Variants in RFTN1 observed in about 807,000 individuals in gnomAD.
RFTN1 encodes raftlin.
A neutral mutation model predicts 46.5 loss-of-function variants in RFTN1; 26 were observed. That is an observed-to-expected ratio of 0.56 (90% CI 0.41 to 0.78). The LOEUF is 0.78. Ranked by LOEUF, RFTN1 falls within the 30% of genes least tolerant of loss-of-function variation. The probability of loss-of-function intolerance (pLI) is 0.00; values close to 1 mark genes in which losing one functional copy is unlikely to be tolerated. For missense variants in RFTN1, 693 were observed against 718.7 expected, an observed-to-expected ratio of 0.96 and a Z score of 0.41; for synonymous variants, 261 against 284.2, an observed-to-expected ratio of 0.92 and a Z score of 0.82.
Position 16,320,311 on chromosome 3 carries a change from C to T in RFTN1, c.1332+3065G>A, listed in dbSNP as rs2068898423. Among the ~76,000 whole-genome samples the T allele has an allele frequency of 6.6e-6, 1 of 152,224 alleles. No individual in the cohort carries two copies. On this transcript the variant is annotated intron_variant, in intron 9 of 9. Coordinates refer to ENST00000334133, the MANE Select transcript of RFTN1 (RefSeq NM_015150.2). The surrounding 1 kb of genome is among the most constrained non-coding windows in gnomAD (Gnocchi z 4.5). ...GCTGAAAAGTCCTGATTAGAAAAATCTATCCATGTTGCTGATTAAAAGAAG... is the reference window on the plus strand; with the variant it reads ...GCTGAAAAGTCCTGATTAGAAAAATTTATCCATGTTGCTGATTAAAAGAAG...
At chr3:16,366,222 C>A (rs564104037) in intron 6 of RFTN1, among the ~76,000 whole-genome samples, 1 of 146,150 alleles carries the variant, frequency 6.8e-6, no homozygotes, top group Non-Finnish European at 1.5e-5. Context: ...ATTCTGTAGG[C>A]CCAGAGGCCT....
chr3:16,512,075 G>A lies in RFTN1; in HGVS notation c.-9+1367C>T, dbSNP rs2076910464. 6.6e-6 allele frequency among the ~76,000 whole-genome samples: 1 copy of A among 152,116 alleles called. No individual in the cohort carries two copies. Among genetic ancestry groups the A allele is most frequent in the African/African-American group, 2.4e-5 (1 of 41,426 alleles). On this transcript the variant is annotated intron_variant, in intron 1 of 9. Coordinates refer to ENST00000334133, the MANE Select transcript of RFTN1 (RefSeq NM_015150.2). This position sits in a 1 kb window ranked among gnomAD's most constrained non-coding sequence, Gnocchi z 4.3. ...TGATTTCACTGAGGTTAGCACACAC[G>A]CACCAAAGAGTCCCAAACAGCTTGC...
intron 7 of RFTN1, among the ~76,000 whole-genome samples, chr3:16,340,118 A>G (rs574691): frequency 0.065 from 9,972 of 152,252 alleles, 479 homozygotes; most frequent in Non-Finnish European, 0.1. Flanking sequence ...GCCACACACA[A>G]ACTTGTTTCT....
rs544849861 is a variant in RFTN1, at chr3:16,493,038, C to T, written c.145+687G>A. On this transcript the variant is annotated intron_variant, in intron 2 of 9. Transcript: ENST00000334133. ...AAGCCCAGATGAATGAGCCCTCTTG[C>T]GAGATGGCAGACAACAGGCAGGTGA... Among the ~76,000 whole-genome samples, 262 of 152,304 alleles carry T rather than the reference C, an allele frequency of 1.7e-3. 2 individuals carry two copies. The highest frequency in any genetic ancestry group is 6.0e-3 in the African/African-American group (249 of 41,552).
In RFTN1 at chr3:16,425,829, T is replaced by C. The variant is rs2075279699; in HGVS notation, c.332+8022A>G. 6.6e-6 allele frequency among the ~76,000 whole-genome samples: 1 copy of C among 152,020 alleles called. No individual in the cohort carries two copies. Among genetic ancestry groups the C allele is most frequent in the Admixed American group, 6.6e-5 (1 of 15,244 alleles). On this transcript the variant is annotated intron_variant, in intron 3 of 9. Coordinates refer to ENST00000334133, the MANE Select transcript of RFTN1 (RefSeq NM_015150.2). The surrounding 1 kb of genome is among the most constrained non-coding windows in gnomAD (Gnocchi z 4.3). ...TAAGAGGAATAAATTAAGGTAGTCTTGGTGATGCTGGACAGCTCCTCAGGG... is the reference window on the plus strand; with the variant it reads ...TAAGAGGAATAAATTAAGGTAGTCTCGGTGATGCTGGACAGCTCCTCAGGG...
chr3:16,434,650 A>T (rs1429272254), intron 2 of RFTN1: 2 of 152,220 alleles, frequency 1.3e-5, no homozygotes, highest in African/African-American at 4.8e-5. Context: ...CCCTCTAAAA[A>T]AAAACACACA....
In RFTN1 at chr3:16,380,387, T is replaced by C. The variant is rs2073946024; in HGVS notation, c.442-2285A>G. Among the ~76,000 whole-genome samples, 1 of 152,182 alleles carries C rather than the reference T, an allele frequency of 6.6e-6. No homozygotes were observed. On this transcript the variant is annotated intron_variant, in intron 4 of 9. Coordinates refer to ENST00000334133, the MANE Select transcript of RFTN1 (RefSeq NM_015150.2). The surrounding 1 kb of genome is among the most constrained non-coding windows in gnomAD (Gnocchi z 4.8). ...GCTTCTGCGGCCCTGCAGAGACTGC[T>C]GTCATCTAGAGTGAAGAGGCGAGGA...
intron 1 of RFTN1, among the ~76,000 whole-genome samples, chr3:16,502,758 G>A (rs925556923): frequency 3.9e-5 from 6 of 152,186 alleles, no homozygotes; most frequent in South Asian, 2.1e-4. Context: ...CCTTCAGCCC[G>A]GCCAACATCC....
intron 4 of RFTN1, among the ~76,000 whole-genome samples, chr3:16,389,774 C>T (rs1346082098): frequency 6.6e-6 from 1 of 152,190 alleles, no homozygotes; most frequent in Non-Finnish European, 1.5e-5. Flanking sequence ...GGAACCTTGT[C>T]ACTCCTCCAT....
At chr3:16,419,723 TAGCAAATCTTTAAATAA>T in intron 3 of RFTN1, among the ~76,000 whole-genome samples, 1 of 152,158 alleles carries the variant, frequency 6.6e-6, no homozygotes, top group Non-Finnish European at 1.5e-5. Context: ...AAACAAATCC[TAGCAAATCTTTAAATAA>T]AGCACCTCAG....
chr3:16,417,332 C>G (rs138899514), intron 3 of RFTN1, among the ~76,000 whole-genome samples: 1 of 152,230 alleles, frequency 6.6e-6, no homozygotes, highest in Non-Finnish European at 1.5e-5. Context: ...AAACAGTCCT[C>G]ATTTCTTTAA....
chr3:16,488,875 G>T (rs2076495253), intron 2 of RFTN1, among the ~76,000 whole-genome samples: 1 of 152,210 alleles, frequency 6.6e-6, no homozygotes, highest in Non-Finnish European at 1.5e-5. Context: ...ACACAAAGAT[G>T]AATGTTCATA....
intron 7 of RFTN1, among the ~76,000 whole-genome samples, chr3:16,355,911 T>G (rs1262174722): frequency 6.6e-6 from 1 of 152,246 alleles, no homozygotes; most frequent in Non-Finnish European, 1.5e-5. Flanking sequence ...AACAGCCATT[T>G]TAATATACAG....
Position 16,365,933 on chromosome 3 carries a change from C to G in RFTN1, c.1030+4143G>C, listed in dbSNP as rs137878678. ...AGTGAGGATACAGTCACCGCAAACA[C>G]CGACTGTTACTGGAGTAGATTCTGG... On this transcript the variant is annotated intron_variant, in intron 6 of 9. Transcript: ENST00000334133. 2.4e-3 allele frequency among the ~76,000 whole-genome samples: 366 copies of G among 152,336 alleles called. 3 individuals are homozygous for G. The Middle Eastern group carries it at 0.041, about 17-fold the overall frequency.
chr3:16,467,927 C>T (rs1196286821), intron 2 of RFTN1, among the ~76,000 whole-genome samples: 3 of 152,216 alleles, frequency 2.0e-5, no homozygotes, highest in Non-Finnish European at 4.4e-5. Context: ...CCTAAGAGTA[C>T]ACTTTGGGGA....
intron 2 of RFTN1, among the ~76,000 whole-genome samples, chr3:16,492,079 A>AG (rs954074856): frequency 6.6e-6 from 1 of 152,174 alleles, no homozygotes; most frequent in Non-Finnish European, 1.5e-5. Context: ...AACTACACAC[A>AG]GGGGGAAGGC....
chr3:16,379,930 C>T (rs1256807788), intron 4 of RFTN1, among the ~76,000 whole-genome samples: 2 of 152,198 alleles, frequency 1.3e-5, no homozygotes, highest in Non-Finnish European at 2.9e-5. Flanking sequence ...AGCTTTCTGG[C>T]AACATATGCC....
rs192320260 is a variant in RFTN1, at chr3:16,451,611, C to A, written c.146-17574G>T. Among the ~76,000 whole-genome samples, 1 of 152,332 alleles carries A rather than the reference C, an allele frequency of 6.6e-6. No homozygotes were observed. The highest frequency in any genetic ancestry group is 1.9e-4 in the East Asian group (1 of 5,188). On this transcript the variant is annotated intron_variant, in intron 2 of 9. Transcript: ENST00000334133. The surrounding 1 kb of genome is among the most constrained non-coding windows in gnomAD (Gnocchi z 4.2). ...AACCCAATTGCTGCCAATCAGAGCA[C>A]ATTTCTCTTCGTGTCTTCCACCTAA... is the stretch of plus-strand genomic sequence containing the variant.
intron 1 of RFTN1, among the ~76,000 whole-genome samples, chr3:16,495,125 T>C (rs1156922951): frequency 6.6e-6 from 1 of 152,220 alleles, no homozygotes; most frequent in African/African-American, 2.4e-5. Context: ...GGCTTACTTA[T>C]GCCTTAATAA....
Sources: allele counts gnomAD v4.1 joint callset (sites outside exome capture counted in the v4.1 genomes callset), GRCh38; gene constraint gnomAD v4.1.1; non-coding constraint Gnocchi (gnomAD v3.1); transcripts MANE v1.5; gene names NCBI Gene and HGNC (gene_info 2026-07-23, HGNC 2026-07-21).